TENM3: variants seen among roughly 807,000 people sequenced by gnomAD.
TENM3 encodes teneurin-3.
A neutral mutation model predicts 255.1 loss-of-function variants in TENM3; 63 were observed. The ratio of observed to expected loss-of-function variants is 0.25; its 90% CI spans 0.20 to 0.30. TENM3 has a LOEUF of 0.30. Ranked by LOEUF, TENM3 falls within the 10% of genes least tolerant of loss-of-function variation. The pLI is 1.00. For missense variants in TENM3, 2,929 were observed against 3,461.1 expected (o/e 0.85, Z 3.86); for synonymous variants, 1,306 against 1,322.3 (o/e 0.99, Z 0.27).
intron 1 of TENM3, among the ~76,000 whole-genome samples, chr4:182,196,872 G>T (rs1753861836): frequency 6.6e-6 from 1 of 152,078 alleles, no homozygotes; most frequent in Non-Finnish European, 1.5e-5. Context: ...CTTTTGACTA[G>T]AATTCCTGCA....
At chr4:181,995,718 C>T in the TENM3 span, among the ~76,000 whole-genome samples, 1 of 152,220 alleles carries the variant, frequency 6.6e-6, no homozygotes, top group East Asian at 1.9e-4. Flanking sequence ...CTTCTGCGTT[C>T]AGTATTTTAT....
At chr4:181,550,004 CAA>C in the TENM3 span, among the ~76,000 whole-genome samples, 7 of 151,996 alleles carry the variant, frequency 4.6e-5, no homozygotes, top group African/African-American at 1.7e-4. Context: ...CCCATGGTGA[CAA>C]GAGTGCTCGG....
intron 27 of TENM3, among the ~76,000 whole-genome samples, chr4:182,797,027 A>G (rs1220100830): frequency 6.6e-6 from 1 of 152,244 alleles, no homozygotes; most frequent in Non-Finnish European, 1.5e-5. Flanking sequence ...GGTTTCTAAA[A>G]AGAACCCCAA....
intron 6 of TENM3, among the ~76,000 whole-genome samples, chr4:182,666,403 A>T (rs1262251947): frequency 6.6e-6 from 1 of 152,214 alleles, no homozygotes; most frequent in African/African-American, 2.4e-5. Context: ...GAGTCAATCA[A>T]TGTGGCAAAC....
chr4:182,388,992 C>A (rs1190734396), intron 3 of TENM3, among the ~76,000 whole-genome samples: 1 of 152,144 alleles, frequency 6.6e-6, no homozygotes, highest in Non-Finnish European at 1.5e-5. Flanking sequence ...TAGTCCCTTT[C>A]ATAACTGAAA....
the TENM3 span, among the ~76,000 whole-genome samples, chr4:181,681,935 T>C: frequency 2.0e-5 from 3 of 152,190 alleles, no homozygotes; most frequent in Non-Finnish European, 2.9e-5. Context: ...GACTGTGTTC[T>C]AATTTCAGAT....
At chr4:181,846,129 C>T in the TENM3 span, among the ~76,000 whole-genome samples, 1 of 152,068 alleles carries the variant, frequency 6.6e-6, no homozygotes, top group African/African-American at 2.4e-5. Context: ...TCTTTCCTGC[C>T]ATTTTTACTA....
intron 1 of TENM3, among the ~76,000 whole-genome samples, chr4:182,256,228 G>A (rs532111294): frequency 1.3e-5 from 2 of 152,218 alleles, no homozygotes; most frequent in South Asian, 4.1e-4. Flanking sequence ...TTCCCCTTTG[G>A]ACATAGCTAT....
intron 3 of TENM3, among the ~76,000 whole-genome samples, chr4:182,364,518 G>A (rs975491173): frequency 7.2e-5 from 11 of 152,130 alleles, no homozygotes; most frequent in African/African-American, 2.4e-4. Context: ...CCGGGTTCAC[G>A]CCATTCTCCT....
At chr4:182,795,895 G>A (rs1255673962) in intron 26 of TENM3, among the ~76,000 whole-genome samples, 1 of 152,238 alleles carries the variant, frequency 6.6e-6, no homozygotes, top group Non-Finnish European at 1.5e-5. Context: ...CTGCAAGCCT[G>A]CTGAGTAGTT....
chr4:181,997,581 A>AT, the TENM3 span, among the ~76,000 whole-genome samples: 32,888 of 152,060 alleles, frequency 0.22, 3,696 homozygotes, highest in Admixed American at 0.26. Context: ...GAATTGATGC[A>AT]TTTTTGCCAA....
chr4:181,917,581 A>C, the TENM3 span, among the ~76,000 whole-genome samples: 1 of 151,722 alleles, frequency 6.6e-6, no homozygotes. Flanking sequence ...CACTCTACAC[A>C]TCAGTTCAGG....
In TENM3 at chr4:182,436,125, TC is replaced by T. The variant is rs1288047262; in HGVS notation, c.511+89198del. ...ACTCTCATTTTCTATTGACAGCAGT[TC>T]CTTTGCTTTAACAGATGCCTTTAGG... On this transcript the variant is annotated intron_variant, in intron 3 of 27. Transcript: ENST00000511685. Among the ~76,000 whole-genome samples, 16 of 152,334 alleles carry T rather than the reference TC, an allele frequency of 1.1e-4. No individual in the cohort carries two copies. The South Asian group carries it at 2.7e-3, about 26-fold the overall frequency.
chr4:182,682,339 G>C (rs1756240870), intron 11 of TENM3, among the ~76,000 whole-genome samples: 1 of 151,768 alleles, frequency 6.6e-6, no homozygotes, highest in Non-Finnish European at 1.5e-5. Context: ...TATAGCTTGG[G>C]GATTTAAGCA....
the TENM3 span, among the ~76,000 whole-genome samples, chr4:181,919,120 T>C: frequency 3.9e-5 from 6 of 152,124 alleles, no homozygotes; most frequent in African/African-American, 1.4e-4. Flanking sequence ...CGGGAAGTTG[T>C]TGGGGAGTTG....
intron 5 of TENM3, among the ~76,000 whole-genome samples, chr4:182,630,086 C>T (rs1322838938): frequency 2.0e-5 from 3 of 152,146 alleles, no homozygotes; most frequent in African/African-American, 7.2e-5. Flanking sequence ...GTGCTTCATA[C>T]AGTACCTCTG....
intron 6 of TENM3, among the ~76,000 whole-genome samples, chr4:182,656,430 A>T (rs1753752312): frequency 6.6e-6 from 1 of 152,150 alleles, no homozygotes; most frequent in Non-Finnish European, 1.5e-5. Context: ...GTTCTTAAAG[A>T]CCTGGGGCAC....
At chr4:181,739,888 GC>G in the TENM3 span, among the ~76,000 whole-genome samples, 1 of 152,142 alleles carries the variant, frequency 6.6e-6, no homozygotes, top group African/African-American at 2.4e-5. Flanking sequence ...AAAGTTGCAA[GC>G]CAATTACAGT....
chr4:181,664,317 C>A, the TENM3 span, among the ~76,000 whole-genome samples: 1 of 151,732 alleles, frequency 6.6e-6, no homozygotes, highest in African/African-American at 2.4e-5. Context: ...AAAAACTATA[C>A]AAATGAGCTG....
Sources: gnomAD v4.1 joint callset for allele counts (sites outside exome capture counted in the v4.1 genomes callset) on GRCh38, gnomAD v4.1.1 for gene constraint, MANE v1.5 for transcripts, NCBI Gene and HGNC (gene_info 2026-07-23, HGNC 2026-07-21) for gene names.